GALNT13: variants seen among roughly 807,000 people sequenced by gnomAD.
The protein encoded by GALNT13 is polypeptide N-acetylgalactosaminyltransferase 13.
In GALNT13, 28 loss-of-function variants were observed where a neutral mutation model predicts 64.2. That is an observed-to-expected ratio of 0.44 (90% CI 0.32 to 0.60). The LOEUF is 0.60. GALNT13 is among the 20% of genes least tolerant of loss of function. The pLI is 0.05. For missense variants in GALNT13, 577 were observed against 669.8 expected (o/e 0.86, Z 1.53); for synonymous variants, 214 against 224.6 (o/e 0.95, Z 0.42).
chr2:153,340,256 T>G, the GALNT13 span, among the ~76,000 whole-genome samples: 1 of 152,196 alleles, frequency 6.6e-6, no homozygotes, highest in Admixed American at 6.5e-5. Flanking sequence ...TATTTGTATC[T>G]TCTTCATTTT....
chr2:154,087,688 T>G (rs1196552574), intron 3 of GALNT13, among the ~76,000 whole-genome samples: 2 of 152,094 alleles, frequency 1.3e-5, no homozygotes, highest in African/African-American at 2.4e-5. Context: ...ACTTTTGAAT[T>G]CAATACATTC....
At chr2:153,511,751 A>C in the GALNT13 span, among the ~76,000 whole-genome samples, 1 of 152,218 alleles carries the variant, frequency 6.6e-6, no homozygotes, top group African/African-American at 2.4e-5. Flanking sequence ...ACAAGACTGA[A>C]GCGGGAGTTT....
chr2:153,418,113 A>G, the GALNT13 span, among the ~76,000 whole-genome samples: 3 of 152,192 alleles, frequency 2.0e-5, no homozygotes, highest in Non-Finnish European at 4.4e-5. Flanking sequence ...GGTGGACCCA[A>G]TGTAATCAGA....
chr2:153,434,407 C>T, the GALNT13 span, among the ~76,000 whole-genome samples: 11,395 of 152,142 alleles, frequency 0.075, 500 homozygotes, highest in South Asian at 0.14. Context: ...ATCGCCACAC[C>T]GACTTCCACA....
At chr2:153,655,379 T>G in the GALNT13 span, among the ~76,000 whole-genome samples, 1 of 152,144 alleles carries the variant, frequency 6.6e-6, no homozygotes. Flanking sequence ...GTACAAATTA[T>G]GGTCTTAAAT....
At chr2:153,824,384 A>G in the GALNT13 span, among the ~76,000 whole-genome samples, 1 of 152,156 alleles carries the variant, frequency 6.6e-6, no homozygotes. Flanking sequence ...GTATATACCC[A>G]AACAAAATAA....
chr2:154,019,979 G>T (rs1358910532), intron 3 of GALNT13, among the ~76,000 whole-genome samples: 1 of 151,738 alleles, frequency 6.6e-6, no homozygotes, highest in African/African-American at 2.4e-5. Context: ...GCAATAGTTT[G>T]CTGAGAATGA....
At chr2:153,084,298 A>T in the GALNT13 span, among the ~76,000 whole-genome samples, 420 of 152,242 alleles carry the variant, frequency 2.8e-3, 1 homozygote, top group South Asian at 2.5e-3. Context: ...TTTGATGGGA[A>T]TGGCATTGAA....
chr2:153,102,259 T>C, the GALNT13 span, among the ~76,000 whole-genome samples: 1 of 152,108 alleles, frequency 6.6e-6, no homozygotes, highest in African/African-American at 2.4e-5. Flanking sequence ...CTTCTGTCTT[T>C]AGATATAGAG....
intron 9 of GALNT13, among the ~76,000 whole-genome samples, chr2:154,348,100 G>A (rs1057087761): frequency 3.3e-5 from 5 of 152,142 alleles, no homozygotes; most frequent in African/African-American, 1.2e-4. Flanking sequence ...CTATAGCATT[G>A]TGTTATATCC....
the GALNT13 span, among the ~76,000 whole-genome samples, chr2:153,465,745 C>A: frequency 1.3e-5 from 2 of 151,918 alleles, no homozygotes; most frequent in African/African-American, 4.8e-5. Context: ...TTGAGTGTAA[C>A]TTCTGGACAA....
intron 3 of GALNT13, among the ~76,000 whole-genome samples, chr2:154,005,547 G>A (rs753918625): frequency 1.8e-4 from 27 of 152,076 alleles, no homozygotes; most frequent in Non-Finnish European, 3.5e-4. Flanking sequence ...AAACAACACT[G>A]GAATCTACAT....
At chr2:153,777,415 T>C in the GALNT13 span, among the ~76,000 whole-genome samples, 1 of 152,148 alleles carries the variant, frequency 6.6e-6, no homozygotes, top group Non-Finnish European at 1.5e-5. Flanking sequence ...CCTCAAAAAG[T>C]CATATGTTGA....
intron 1 of GALNT13, among the ~76,000 whole-genome samples, chr2:153,886,015 G>A (rs1041016161): frequency 6.6e-6 from 1 of 152,126 alleles, no homozygotes; most frequent in African/African-American, 2.4e-5. Context: ...GAGACAGAGA[G>A]AGAGAAAGAG....
the GALNT13 span, among the ~76,000 whole-genome samples, chr2:153,588,305 T>C: frequency 0.28 from 42,813 of 152,142 alleles, 6,617 homozygotes; most frequent in South Asian, 0.42. Context: ...TCTCTGACCC[T>C]GCATTTTCCT....
At chr2:153,746,268 T>C in the GALNT13 span, among the ~76,000 whole-genome samples, 1 of 152,118 alleles carries the variant, frequency 6.6e-6, no homozygotes, top group Admixed American at 6.6e-5. Context: ...TACCAGCCCC[T>C]AGTAAGTATA....
chr2:154,152,677 C>T (rs183014025), intron 4 of GALNT13, among the ~76,000 whole-genome samples: 96 of 152,220 alleles, frequency 6.3e-4, no homozygotes, highest in African/African-American at 2.1e-3. Context: ...TCATTTCATT[C>T]ATTTCATCTT....
chr2:153,316,143 C>CA, the GALNT13 span, among the ~76,000 whole-genome samples: 68 of 150,810 alleles, frequency 4.5e-4, no homozygotes, highest in African/African-American at 1.0e-3. Flanking sequence ...AAAAAGAAAA[C>CA]AAAAAAAAGA....
the GALNT13 span, among the ~76,000 whole-genome samples, chr2:153,451,858 C>T: frequency 2.0e-5 from 3 of 152,304 alleles, no homozygotes; most frequent in East Asian, 5.8e-4. Context: ...TTTTGATTGG[C>T]AGGCTCATGA....
Sources: gnomAD v4.1 joint callset for allele counts (sites outside exome capture counted in the v4.1 genomes callset) on GRCh38, gnomAD v4.1.1 for gene constraint, MANE v1.5 for transcripts, NCBI Gene and HGNC (gene_info 2026-07-23, HGNC 2026-07-21) for gene names.